Variants in CCNY observed in about 807,000 individuals in gnomAD.
CCNY encodes the protein cyclin Y.
CCNY carries 19 observed loss-of-function variants against 42.8 expected under a neutral mutation model. The observed-to-expected ratio is 0.44, with a 90% CI of 0.31 to 0.65. The LOEUF is 0.65. Among genes scored for constraint, CCNY ranks in the 30% least tolerant of loss-of-function variants. The pLI, the probability that CCNY is intolerant of heterozygous loss-of-function variation, is 0.07. For synonymous variants in CCNY, 165 were observed against 162.7 expected (o/e 1.01, Z -0.11); for missense variants, 370 against 437.3 (o/e 0.85, Z 1.37).
chr10:35,527,147 C>T (rs1451496283), intron 5 of CCNY, among the ~76,000 whole-genome samples: 2 of 152,184 alleles, frequency 1.3e-5, no homozygotes, highest in African/African-American at 4.8e-5. Context: ...ATTCATGGTT[C>T]TTTATGGTGC....
chr10:35,541,424 T>A (rs1176233302), intron 7 of CCNY, among the ~76,000 whole-genome samples: 1 of 152,240 alleles, frequency 6.6e-6, no homozygotes. Flanking sequence ...TTGCGACGGA[T>A]CTCATTCTGT....
chr10:35,444,713 C>T (rs187205856), intron 1 of CCNY, among the ~76,000 whole-genome samples: 6 of 152,308 alleles, frequency 3.9e-5, no homozygotes, highest in Admixed American at 3.3e-4. Flanking sequence ...TTGACCAAAA[C>T]GTTACGCAGT....
At chr10:35,479,620 G>T (rs1209536931) in intron 1 of CCNY, among the ~76,000 whole-genome samples, 16 of 133,276 alleles carry the variant, frequency 1.2e-4, no homozygotes, top group Non-Finnish European at 1.9e-4. Context: ...GTGGGGGGAG[G>T]GGGGGGAGGG....
intron 1 of CCNY, among the ~76,000 whole-genome samples, chr10:35,369,764 G>A (rs112245353): frequency 0.01 from 1,587 of 152,224 alleles, 24 homozygotes; most frequent in African/African-American, 0.036. Context: ...ATCTCAATTT[G>A]TGTGAATATT....
intron 1 of CCNY, among the ~76,000 whole-genome samples, chr10:35,385,601 G>T (rs961786952): frequency 6.6e-6 from 1 of 152,214 alleles, no homozygotes; most frequent in Non-Finnish European, 1.5e-5. Context: ...AGAAGCAAAG[G>T]TGAGAATATT....
At chr10:35,545,924 T>TC (rs112344001) in intron 7 of CCNY, among the ~76,000 whole-genome samples, 1,582 of 152,342 alleles carry the variant, frequency 0.01, 24 homozygotes, top group African/African-American at 0.036. Context: ...TAATAATTAC[T>TC]TTTTTAAATT....
At chr10:35,345,610 A>G (rs534076699) in intron 1 of CCNY, among the ~76,000 whole-genome samples, 49 of 152,260 alleles carry the variant, frequency 3.2e-4, no homozygotes, top group African/African-American at 1.1e-3. Context: ...ATTTTCTTGT[A>G]TTATATGTGA....
intron 3 of CCNY, among the ~76,000 whole-genome samples, chr10:35,330,193 T>C (rs917813668): frequency 4.6e-5 from 7 of 152,216 alleles, no homozygotes; most frequent in African/African-American, 1.7e-4. Flanking sequence ...AAAGATTTCT[T>C]GCCAGGGTAT....
At chr10:35,568,593 G>A (rs1043916078) in intron 9 of CCNY, among the ~76,000 whole-genome samples, 8 of 152,252 alleles carry the variant, frequency 5.3e-5, no homozygotes, top group Non-Finnish European at 1.0e-4. Context: ...TGGTCTGGCT[G>A]CAGCTGTCTT....
At chr10:35,251,868 C>T (rs865796565) in intron 3 of CCNY, among the ~76,000 whole-genome samples, 2 of 152,154 alleles carry the variant, frequency 1.3e-5, no homozygotes, top group Non-Finnish European at 1.5e-5. Flanking sequence ...GGATTGCAGG[C>T]ATCAGCCACT....
In CCNY at chr10:35,274,616, G is replaced by T. The variant is rs113820745; in HGVS notation, c.-9+23990G>T. ...TTAGCACTAGGTCATCAACATAGAG[G>T]ACCAATGTCTTATTCTGTGGAATGT... On this transcript the variant is annotated intron_variant, in intron 3 of 11. Coordinates refer to the CCNY transcript ENST00000374706. Among the ~76,000 whole-genome samples, 828 of 152,226 alleles carry T rather than the reference G, an allele frequency of 5.4e-3. 2 individuals are homozygous for T. Among genetic ancestry groups the T allele is most frequent in the African/African-American group, 0.016 (648 of 41,526 alleles).
At chr10:35,367,892 G>A (rs982222844) in intron 1 of CCNY, among the ~76,000 whole-genome samples, 1 of 152,224 alleles carries the variant, frequency 6.6e-6, no homozygotes, top group African/African-American at 2.4e-5. Context: ...TGAGGCACAA[G>A]AAGTAGTCAC....
At chr10:35,300,084 G>T (rs937974225) in intron 3 of CCNY, among the ~76,000 whole-genome samples, 1 of 152,288 alleles carries the variant, frequency 6.6e-6, no homozygotes, top group Admixed American at 6.5e-5. Context: ...GATCTCTGGG[G>T]ACTGCTCCTC....
chr10:35,474,254 A>G (rs1839455255), intron 1 of CCNY, among the ~76,000 whole-genome samples: 1 of 152,214 alleles, frequency 6.6e-6, no homozygotes, highest in African/African-American at 2.4e-5. Context: ...TTGCTTAGGT[A>G]AACACAGCAG....
chr10:35,450,758 A>G (rs1205964849), intron 1 of CCNY, among the ~76,000 whole-genome samples: 2 of 148,594 alleles, frequency 1.3e-5, no homozygotes, highest in South Asian at 2.1e-4. Flanking sequence ...AGAAATGCCT[A>G]TTTATTTAAA....
chr10:35,307,325 C>CA (rs1464599807), intron 3 of CCNY, among the ~76,000 whole-genome samples: 1 of 152,176 alleles, frequency 6.6e-6, no homozygotes, highest in Non-Finnish European at 1.5e-5. Context: ...GAAAGAATTA[C>CA]AAAAAAGAGT....
intron 3 of CCNY, among the ~76,000 whole-genome samples, chr10:35,307,317 A>G (rs973349610): frequency 2.0e-5 from 3 of 152,246 alleles, no homozygotes; most frequent in African/African-American, 7.2e-5. Flanking sequence ...ACATCTGTGA[A>G]AGAATTACAA....
chr10:35,337,300 C>A, intron 1 of CCNY, 93 bp downstream of exon 1: 1 of 1,288,722 alleles, frequency 7.8e-7, no homozygotes. Flanking sequence ...CTTGCCCAGC[C>A]GGTCTCGGCG....
chr10:35,446,040 A>G (rs979246422), intron 1 of CCNY, among the ~76,000 whole-genome samples: 8 of 152,094 alleles, frequency 5.3e-5, no homozygotes, highest in African/African-American at 1.9e-4. Context: ...TAACCAGAGT[A>G]CTCTGCCTGC....
Sources: allele counts gnomAD v4.1 joint callset (sites outside exome capture counted in the v4.1 genomes callset), GRCh38; gene constraint gnomAD v4.1.1; transcripts MANE v1.5; gene names NCBI Gene and HGNC (gene_info 2026-07-23, HGNC 2026-07-21).